GSAP: variants seen among roughly 807,000 people sequenced by gnomAD.
GSAP encodes the protein gamma-secretase activating protein.
A neutral mutation model predicts 131.7 loss-of-function variants in GSAP; 118 were observed. The observed-to-expected ratio is 0.90, with a 90% CI of 0.77 to 1.04. The LOEUF is 1.04. GSAP is among the 50% of genes least tolerant of loss of function. The pLI, the probability that GSAP is intolerant of heterozygous loss-of-function variation, is 0.00. For synonymous variants in GSAP, 381 were observed against 363.4 expected, an observed-to-expected ratio of 1.05 and a Z score of -0.55; for missense variants, 1,019 against 1,013.2, an observed-to-expected ratio of 1.01 and a Z score of -0.08.
intron 18 of GSAP, among the ~76,000 whole-genome samples, chr7:77,350,105 G>A (rs1042168872): frequency 2.0e-5 from 3 of 151,784 alleles, no homozygotes; most frequent in Non-Finnish European, 4.4e-5. Flanking sequence ...AAAAAATGAT[G>A]AGTTCATGTC....
intron 12 of GSAP, among the ~76,000 whole-genome samples, chr7:77,365,375 C>T (rs1795131398): frequency 6.6e-6 from 1 of 152,222 alleles, no homozygotes; most frequent in East Asian, 1.9e-4. Context: ...TTCTGCTCCG[C>T]TCCCTCCTCC....
At chr7:77,413,445 G>A (rs1803666229) in intron 1 of GSAP, among the ~76,000 whole-genome samples, 1 of 152,238 alleles carries the variant, frequency 6.6e-6, no homozygotes, top group South Asian at 2.1e-4. Context: ...CCTGGGACAA[G>A]CTGTTCTTTG....
rs1446837537 is a variant in GSAP at position 77,353,585 on chromosome 7, C to T, written c.1395G>A (p.Gln465=). ...AGCAACACTTACCAATTATAAATTC[C>T]TGAATGAGGTCAAATGAATGGCAGG... The part of the protein sequence containing the change: ...VSACHSFDLI[Q]EFIIASSYWS... The change falls in exon 17 of 31, where the codon CAG becomes CAA. Residue 465 remains glutamine, a synonymous_variant. Transcript: ENST00000257626. The T allele has an allele frequency of 5.0e-6, 8 of 1,608,538 alleles. No homozygotes were observed. In the East Asian group the frequency reaches 1.6e-4, roughly 31 times the overall value.
intron 14 of GSAP, among the ~76,000 whole-genome samples, chr7:77,359,676 A>C (rs1273169929): frequency 2.0e-5 from 3 of 152,194 alleles, no homozygotes; most frequent in African/African-American, 4.8e-5. Flanking sequence ...TATTTTTACA[A>C]AGCTTATATT....
intron 19 of GSAP, among the ~76,000 whole-genome samples, chr7:77,331,156 C>T (rs1178617654): frequency 6.6e-6 from 1 of 152,050 alleles, no homozygotes; most frequent in African/African-American, 2.4e-5. Context: ...AAAAAATTAG[C>T]CAGGTGCAGT....
At chr7:77,355,939 T>G (rs1395719270) in intron 14 of GSAP, among the ~76,000 whole-genome samples, 3 of 151,802 alleles carry the variant, frequency 2.0e-5, no homozygotes, top group Non-Finnish European at 4.4e-5. Flanking sequence ...TACAGGACTG[T>G]GCCCACAACA....
chr7:77,323,649 G>C lies in GSAP; in HGVS notation c.1921C>G (p.Leu641Val). 6.4e-7 allele frequency: 1 copy of C among 1,559,858 alleles called. No homozygotes were observed. ...EQMVLDYISK[L>V]LDLICHIVET... is the part of the protein sequence containing the mutation. ...GGAGAATAAAAAGCAAGACCAACCA[G>C]TTTTGAAATGTAGTCCAGAACCATC... The change falls in exon 24 of 31, where the codon CTG (leucine) becomes GTG (valine). Residue 641 changes from leucine (L) to valine (V), a missense_variant and splice_region_variant. Leu to Val is a conservative substitution (Grantham distance 32, BLOSUM62 1). Transcript: ENST00000257626.
chr7:77,386,592 C>T (rs1436829066), intron 6 of GSAP, among the ~76,000 whole-genome samples: 2 of 152,196 alleles, frequency 1.3e-5, no homozygotes, highest in Non-Finnish European at 2.9e-5. Context: ...ATCTGAAACA[C>T]ATGTTTTCTC....
At chr7:77,388,430 G>A (rs1398652560) in intron 5 of GSAP, among the ~76,000 whole-genome samples, 1 of 152,156 alleles carries the variant, frequency 6.6e-6, no homozygotes, top group Non-Finnish European at 1.5e-5. Context: ...CACTGATAAT[G>A]ACCCACTTAC....
chr7:77,317,316 T>C (rs565483678), intron 26 of GSAP, among the ~76,000 whole-genome samples: 100 of 145,966 alleles, frequency 6.9e-4, no homozygotes, highest in African/African-American at 1.6e-3. Context: ...TAGGTGGGAA[T>C]TGAACAATGA....
At chr7:77,402,559 C>A (rs1444195888) in intron 3 of GSAP, among the ~76,000 whole-genome samples, 1 of 108,068 alleles carries the variant, frequency 9.3e-6, no homozygotes, top group Non-Finnish European at 1.8e-5. Flanking sequence ...GGCGCCACTG[C>A]ACTCCAGCCT....
At position 77,321,352 on chromosome 7, in the gene GSAP, G is replaced by T; in HGVS notation, c.1975C>A (p.His659Asn). The T allele has an allele frequency of 6.2e-7, 1 of 1,601,128 alleles. No homozygotes were observed. Residue 659 changes from histidine (H) to asparagine (N), a missense_variant, in exon 25 of 31, where the codon CAT becomes AAT. By Grantham distance (68) the His-to-Asn change is moderately conservative. Transcript: ENST00000257626. ...GCGTACAAGTGGAGAACCCAGGAAT[G>T]AAGATTATGTTTCCTCCAATTGGTT... ...VETNWRKHNL[H>N]SWVLHFNSRG...
chr7:77,336,599 C>T (rs1351625258), intron 19 of GSAP, among the ~76,000 whole-genome samples: 1 of 152,106 alleles, frequency 6.6e-6, no homozygotes, highest in Non-Finnish European at 1.5e-5. Flanking sequence ...AGCACTTCTC[C>T]TGCCTCAGCC....
chr7:77,351,777 A>G, intron 18 of GSAP: 1 of 952,546 alleles, frequency 1.0e-6, no homozygotes, highest in Non-Finnish European at 1.3e-6. Flanking sequence ...TTTTAACACA[A>G]CCCTGGGAAC....
chr7:77,333,854 A>T (rs1334991210), intron 19 of GSAP, among the ~76,000 whole-genome samples: 1 of 152,138 alleles, frequency 6.6e-6, no homozygotes, highest in Non-Finnish European at 1.5e-5. Flanking sequence ...GAATCTGCAC[A>T]ATCCCAAGAG....
At chr7:77,326,143 C>A in intron 23 of GSAP, 69 bp downstream of exon 23, 3 of 990,464 alleles carry the variant, frequency 3.0e-6, no homozygotes, top group South Asian at 1.5e-5. Context: ...GAGAAGCCCA[C>A]TGTAATCCTT....
intron 6 of GSAP, among the ~76,000 whole-genome samples, chr7:77,386,099 T>C (rs1370920446): frequency 1.3e-5 from 2 of 151,522 alleles, no homozygotes; most frequent in African/African-American, 2.4e-5. Flanking sequence ...AAAGACACAA[T>C]CCCAAATGCC....
chr7:77,369,257 A>G (rs1003426869), intron 12 of GSAP, among the ~76,000 whole-genome samples: 1 of 152,234 alleles, frequency 6.6e-6, no homozygotes, highest in Admixed American at 6.5e-5. Context: ...ACTATTAGGT[A>G]GGGAAATAGT....
At chr7:77,402,692 A>T (rs1220730497) in intron 3 of GSAP, among the ~76,000 whole-genome samples, 1 of 151,314 alleles carries the variant, frequency 6.6e-6, no homozygotes, top group Non-Finnish European at 1.5e-5. Context: ...CGTAAAAAAA[A>T]AAAAAAACAT....
Sources: gnomAD v4.1 joint callset for allele counts (sites outside exome capture counted in the v4.1 genomes callset) on GRCh38, gnomAD v4.1.1 for gene constraint, MANE v1.5 for transcripts, NCBI Gene and HGNC (gene_info 2026-07-23, HGNC 2026-07-21) for gene names.